The following TRPC7 variants were observed in gnomAD, a reference collection of about 807,000 sequenced individuals.
TRPC7 encodes short transient receptor potential channel 7.
A neutral mutation model predicts 90.1 loss-of-function variants in TRPC7; 42 were observed. The ratio of observed to expected loss-of-function variants is 0.47; its 90% CI spans 0.36 to 0.60. The LOEUF is 0.60. Among genes scored for constraint, TRPC7 ranks in the 20% least tolerant of loss-of-function variants. TRPC7 has a pLI of 0.00. For synonymous variants in TRPC7, 451 were observed against 436.3 expected (o/e 1.03, Z -0.42); for missense variants, 955 against 1,112.3 (o/e 0.86, Z 2.01).
intron 6 of TRPC7, among the ~76,000 whole-genome samples, chr5:136,250,749 T>C (rs114883908): frequency 0.022 from 3,397 of 152,300 alleles, 47 homozygotes; most frequent in Middle Eastern, 0.037. Context: ...CTGTTTTACA[T>C]ATGAGAAAAA....
At position 136,356,765 on chromosome 5, in the gene TRPC7, C is replaced by G. The variant is rs757025359; in HGVS notation, c.623G>C (p.Arg208Pro). The change falls in exon 2 of 12, where the codon CGG (arginine) becomes CCG (proline). Residue 208 changes from arginine to proline, a missense_variant. This residue lies in a region of TRPC7 where 484 missense variants were observed against 509.6 expected (regional missense o/e 0.95). Transcript: ENST00000513104. ...GCGCGAGTGGCTGAAGGAGTCTTTC[C>G]GCTGTTTCTCGGTGCACTCATTGCA... The part of the protein sequence containing the change: ...CKCNECTEKQ[R>P]KDSFSHSRSR... 2.3e-5 allele frequency: 37 copies of G among 1,611,932 alleles called. No individual in the cohort carries two copies. In the East Asian group the frequency reaches 8.3e-4, roughly 36 times the overall value.
At chr5:136,253,106 TA>T (rs1436434890) in intron 5 of TRPC7, among the ~76,000 whole-genome samples, 4 of 152,254 alleles carry the variant, frequency 2.6e-5, no homozygotes, top group African/African-American at 9.6e-5. Flanking sequence ...ATCTCATTAA[TA>T]ATTTTTTGCA....
chr5:136,341,606 G>C (rs1266425724), intron 2 of TRPC7, among the ~76,000 whole-genome samples: 3 of 152,094 alleles, frequency 2.0e-5, no homozygotes, highest in East Asian at 1.9e-4. Flanking sequence ...CTTACTTCTT[G>C]CTGTCTATTT....
chr5:136,358,516 G>A (rs1394314988), intron 1 of TRPC7, among the ~76,000 whole-genome samples: 5 of 152,214 alleles, frequency 3.3e-5, no homozygotes, highest in Non-Finnish European at 7.3e-5. Context: ...TTTGAAGTTA[G>A]AAGGTTTAGA....
At chr5:136,299,395 G>A (rs1758301588) in intron 3 of TRPC7, among the ~76,000 whole-genome samples, 2 of 149,988 alleles carry the variant, frequency 1.3e-5, no homozygotes, top group Non-Finnish European at 3.0e-5. Context: ...GGAGGAGGAG[G>A]GGAAAAGGAG....
intron 7 of TRPC7, among the ~76,000 whole-genome samples, chr5:136,246,573 T>C (rs1008119738): frequency 1.3e-5 from 2 of 152,214 alleles, no homozygotes; most frequent in African/African-American, 2.4e-5. Flanking sequence ...GGGAGCTGCC[T>C]GGATTTGCTT....
chr5:136,329,815 T>A (rs1042464451), intron 2 of TRPC7, among the ~76,000 whole-genome samples: 1 of 152,216 alleles, frequency 6.6e-6, no homozygotes, highest in Admixed American at 6.5e-5. Flanking sequence ...TGGTTCTCTC[T>A]CGTGGAACTC....
chr5:136,276,605 C>T (rs948311330), intron 3 of TRPC7, among the ~76,000 whole-genome samples: 1 of 152,192 alleles, frequency 6.6e-6, no homozygotes, highest in African/African-American at 2.4e-5. Context: ...ACCCTACAGC[C>T]CCTGACAATA....
chr5:136,244,883 G>A (rs576418165), intron 7 of TRPC7, among the ~76,000 whole-genome samples: 1 of 152,282 alleles, frequency 6.6e-6, no homozygotes, highest in Non-Finnish European at 1.5e-5. Context: ...CTAGACCACT[G>A]CCCAGAAAGG....
intron 10 of TRPC7, among the ~76,000 whole-genome samples, chr5:136,220,749 G>A (rs1755427570): frequency 6.6e-6 from 1 of 152,046 alleles, no homozygotes; most frequent in African/African-American, 2.4e-5. Context: ...GTGATCTTGT[G>A]ACCTACTTCC....
At chr5:136,361,851 G>A (rs1760578930) in intron 1 of TRPC7, among the ~76,000 whole-genome samples, 1 of 152,070 alleles carries the variant, frequency 6.6e-6, no homozygotes, top group African/African-American at 2.4e-5. Flanking sequence ...ATAGTCATTT[G>A]GAGTCTTCTC....
chr5:136,294,644 G>T (rs1758096181), intron 3 of TRPC7, among the ~76,000 whole-genome samples: 1 of 152,076 alleles, frequency 6.6e-6, no homozygotes, highest in South Asian at 2.1e-4. Flanking sequence ...GAAACAACAG[G>T]TGCTAGAGAG....
At chr5:136,249,725 T>C (rs982977499) in intron 6 of TRPC7, among the ~76,000 whole-genome samples, 4 of 152,222 alleles carry the variant, frequency 2.6e-5, no homozygotes, top group Non-Finnish European at 5.9e-5. Flanking sequence ...AACAGCACTG[T>C]GATGATTTGG....
At chr5:136,286,533 C>T (rs1375064782) in intron 3 of TRPC7, among the ~76,000 whole-genome samples, 5 of 152,176 alleles carry the variant, frequency 3.3e-5, no homozygotes, top group African/African-American at 4.8e-5. Context: ...ATTGAGGTGC[C>T]TGCCATGTGG....
intron 3 of TRPC7, among the ~76,000 whole-genome samples, chr5:136,294,631 C>T (rs1230829078): frequency 6.6e-6 from 1 of 152,060 alleles, no homozygotes; most frequent in Non-Finnish European, 1.5e-5. Flanking sequence ...ATTAAAAAGT[C>T]AGGAAACAAC....
chr5:136,287,725 A>AAAAAAC (rs1561702560), intron 3 of TRPC7, among the ~76,000 whole-genome samples: 3 of 131,940 alleles, frequency 2.3e-5, no homozygotes, highest in African/African-American at 9.1e-5. Flanking sequence ...AAAAAAAAAA[A>AAAAAAC]AAAACCCAGA....
At chr5:136,313,484 G>A (rs887044836) in intron 3 of TRPC7, among the ~76,000 whole-genome samples, 1 of 152,178 alleles carries the variant, frequency 6.6e-6, no homozygotes, top group African/African-American at 2.4e-5. Context: ...TTCATAACTT[G>A]AATACTCAGG....
chr5:136,228,319 T>C (rs1755696533), intron 8 of TRPC7, among the ~76,000 whole-genome samples: 1 of 150,350 alleles, frequency 6.7e-6, no homozygotes, highest in East Asian at 2.0e-4. Context: ...TTTGTAAGAA[T>C]TAACTTGTGG....
intron 3 of TRPC7, among the ~76,000 whole-genome samples, chr5:136,312,898 A>G (rs1445031200): frequency 1.3e-5 from 2 of 151,800 alleles, no homozygotes; most frequent in Non-Finnish European, 2.9e-5. Context: ...TACATGAAAA[A>G]CTAGTTTCAC....
Sources: gnomAD v4.1 joint callset for allele counts (sites outside exome capture counted in the v4.1 genomes callset) on GRCh38, gnomAD v4.1.1 for gene constraint, gnomAD v4.1.1 regional missense constraint, MANE v1.5 for transcripts, NCBI Gene and HGNC (gene_info 2026-07-23, HGNC 2026-07-21) for gene names.